The following TRAF3 variants were observed in gnomAD, a reference collection of about 807,000 sequenced individuals.
The protein encoded by TRAF3 is TNF receptor-associated factor 3.
Under a neutral mutation model 62.3 loss-of-function variants are expected in TRAF3, and 13 were observed. That is an observed-to-expected ratio of 0.21 (90% CI 0.14 to 0.33). The LOEUF (loss-of-function observed/expected upper bound fraction) is 0.33, where lower values mean the gene tolerates loss of function less well. Ranked by LOEUF, TRAF3 falls within the 10% of genes least tolerant of loss-of-function variation. TRAF3 has a pLI of 1.00. For missense variants in TRAF3, 440 were observed against 741.8 expected (o/e 0.59, Z 4.73); for synonymous variants, 269 against 283.4 (o/e 0.95, Z 0.51).
In TRAF3 at chr14:102,884,488, A is replaced by T. The variant is rs79831678; in HGVS notation, c.571-1701A>T. ...ACAGGAAAAGAAATAGAAATGATTA[A>T]TAGAGAAATAGAAATGATTAATATC... On this transcript the variant is annotated intron_variant, in intron 6 of 11. Coordinates refer to ENST00000392745, the MANE Select transcript of TRAF3 (RefSeq NM_145725.3). 6.9e-3 allele frequency among the ~76,000 whole-genome samples: 1,057 copies of T among 152,276 alleles called. 15 individuals are homozygous for T. Among genetic ancestry groups the T allele is most frequent in the African/African-American group, 0.024 (1,001 of 41,550 alleles).
Position 102,846,018 on chromosome 14 carries a change from T to G in TRAF3, c.-18+15546T>G, listed in dbSNP as rs1395343094. 2.1e-5 allele frequency among the ~76,000 whole-genome samples: 3 copies of G among 144,440 alleles called. No homozygotes were observed. In the East Asian group the frequency reaches 6.3e-4, roughly 30 times the overall value. 94.8% of individuals were successfully genotyped at this position (144,440 alleles called of 152,430 possible). A position where few individuals can be genotyped will look rare whatever the true frequency, so the allele number is the denominator to read the frequency against. On this transcript the variant is annotated intron_variant, in intron 2 of 11. Transcript: ENST00000392745. ...AAAAAAAAAAAAAAAAATACTATTA[T>G]ACCGCTGTTCAGTTAGCAGGAATTA...
At chr14:102,778,325 C>G (rs1897118064) in intron 1 of TRAF3, among the ~76,000 whole-genome samples, 1 of 151,876 alleles carries the variant, frequency 6.6e-6, no homozygotes, top group African/African-American at 2.4e-5. Context: ...TCTCGGCGGG[C>G]TGGCCGGTTC....
Position 102,897,386 on chromosome 14 carries a change from A to G in TRAF3, c.945A>G (p.Lys315=), listed in dbSNP as rs535486813. 7 of 1,613,916 alleles carry G rather than the reference A, an allele frequency of 4.3e-6. No individual in the cohort carries two copies. In the African/African-American group the frequency reaches 9.3e-5, roughly 22 times the overall value. ...AAATGCTTCGAAATAATGAATCCAAAATCCTTCATTTACAGGTAAGAATCT... is the reference window on the plus strand; with the variant it reads ...AAATGCTTCGAAATAATGAATCCAAGATCCTTCATTTACAGGTAAGAATCT... ...QKEMLRNNES[K]ILHLQRVIDS... Residue 315 remains lysine (K), a synonymous_variant, in exon 10 of 12, where the codon AAA becomes AAG. Coordinates refer to ENST00000392745, the MANE Select transcript of TRAF3 (RefSeq NM_145725.3).
chr14:102,850,911 ATCT>A (rs1165971873), intron 2 of TRAF3, among the ~76,000 whole-genome samples: 2 of 152,158 alleles, frequency 1.3e-5, no homozygotes, highest in African/African-American at 2.4e-5. Context: ...GGAAGCAAAC[ATCT>A]TCTCAAACCT....
At chr14:102,895,355 G>A (rs751980966) in intron 9 of TRAF3, among the ~76,000 whole-genome samples, 11 of 152,172 alleles carry the variant, frequency 7.2e-5, no homozygotes, top group African/African-American at 1.9e-4. Context: ...AAAATAAGAC[G>A]GTGATTGCTT....
At chr14:102,857,835 T>C (rs1013642429) in intron 2 of TRAF3, among the ~76,000 whole-genome samples, 13 of 152,246 alleles carry the variant, frequency 8.5e-5, no homozygotes, top group African/African-American at 2.7e-4. Flanking sequence ...AGATTCTTAT[T>C]GCACTTGTGC....
chr14:102,837,875 T>C (rs909936292), intron 2 of TRAF3, among the ~76,000 whole-genome samples: 1 of 152,232 alleles, frequency 6.6e-6, no homozygotes, highest in African/African-American at 2.4e-5. Flanking sequence ...TTGTTTGATG[T>C]AATTGTTTTA....
intron 10 of TRAF3, among the ~76,000 whole-genome samples, chr14:102,901,450 G>T (rs1031478809): frequency 6.6e-6 from 1 of 152,360 alleles, no homozygotes; most frequent in East Asian, 1.9e-4. Context: ...CTCAGTGTGC[G>T]TGTTAGAAGG....
intron 10 of TRAF3, among the ~76,000 whole-genome samples, chr14:102,901,872 C>T (rs1293979812): frequency 6.6e-6 from 1 of 152,134 alleles, no homozygotes; most frequent in Non-Finnish European, 1.5e-5. Context: ...CTGGGGCCCG[C>T]CCCTCGAGCA....
chr14:102,845,584 C>T (rs1368439078), intron 2 of TRAF3, among the ~76,000 whole-genome samples: 6 of 145,732 alleles, frequency 4.1e-5, no homozygotes, highest in African/African-American at 1.5e-4. Context: ...GGCGCCATCT[C>T]GGCTCACTGC....
chr14:102,870,386 G>T lies in TRAF3; in HGVS notation c.185G>T (p.Ser62Ile). 6.2e-7 allele frequency: 1 copy of T among 1,614,188 alleles called. No individual in the cohort carries two copies. The highest frequency in any genetic ancestry group is 8.5e-7 in the Non-Finnish European group (1 of 1,180,020). ...KCEKCHLVLC[S>I]PKQTECGHRF... ...GAGAAGTGCCACCTGGTGCTGTGCA[G>T]CCCGAAGCAGACCGAGTGTGGGCAC... Residue 62 changes from serine to isoleucine, a missense_variant, in exon 3 of 12, where the codon AGC becomes ATC. Physicochemically the swap from Ser to Ile is moderately radical, Grantham distance 142. Transcript: ENST00000392745.
chr14:102,858,949 T>C lies in TRAF3; in HGVS notation c.-17-11236T>C, dbSNP rs1296013363. Among the ~76,000 whole-genome samples, 6 of 152,324 alleles carry C rather than the reference T, an allele frequency of 3.9e-5. No individual in the cohort carries two copies. The East Asian group carries it at 5.8e-4, about 15-fold the overall frequency. On this transcript the variant is annotated intron_variant, in intron 2 of 11. Coordinates refer to ENST00000392745, the MANE Select transcript of TRAF3 (RefSeq NM_145725.3). ...GTCAGACCAGAAGGTAAGATTCTTA[T>C]AAACCTTTTATAACCCTTTACAAAT...
intron 1 of TRAF3, among the ~76,000 whole-genome samples, chr14:102,792,597 G>A (rs929505832): frequency 3.3e-5 from 5 of 151,270 alleles, no homozygotes; most frequent in African/African-American, 9.7e-5. Flanking sequence ...TTAATGGAAG[G>A]TTGTTGAGTT....
At chr14:102,785,210 C>G (rs1274212767) in intron 1 of TRAF3, among the ~76,000 whole-genome samples, 23 of 152,202 alleles carry the variant, frequency 1.5e-4, no homozygotes. Flanking sequence ...CCTTTCCCTT[C>G]CATCCAACAT....
intron 1 of TRAF3, among the ~76,000 whole-genome samples, chr14:102,779,812 C>T (rs1237299473): frequency 6.6e-6 from 1 of 152,224 alleles, no homozygotes; most frequent in African/African-American, 2.4e-5. Context: ...ATTTTCTCAT[C>T]TTCATATAGC....
intron 2 of TRAF3, among the ~76,000 whole-genome samples, chr14:102,862,542 T>C (rs1424215810): frequency 1.3e-5 from 2 of 152,186 alleles, no homozygotes; most frequent in African/African-American, 4.8e-5. Context: ...GAAGAGTCAC[T>C]TCTCTCTTGC....
At chr14:102,791,296 G>A (rs1897781728) in intron 1 of TRAF3, among the ~76,000 whole-genome samples, 1 of 152,072 alleles carries the variant, frequency 6.6e-6, no homozygotes, top group African/African-American at 2.4e-5. Context: ...TGGGATTACA[G>A]GTATGAGCCA....
At chr14:102,811,212 C>T (rs1899110401) in intron 1 of TRAF3, among the ~76,000 whole-genome samples, 2 of 152,086 alleles carry the variant, frequency 1.3e-5, no homozygotes, top group South Asian at 2.1e-4. Context: ...ATTGCTGCAT[C>T]CCCATGATTT....
At chr14:102,853,955 C>T (rs1177126666) in intron 2 of TRAF3, among the ~76,000 whole-genome samples, 2 of 152,168 alleles carry the variant, frequency 1.3e-5, no homozygotes, top group African/African-American at 4.8e-5. Flanking sequence ...CTTCGCTTGC[C>T]CCAGCCTCTG....
Sources: gnomAD v4.1 joint callset for allele counts (sites outside exome capture counted in the v4.1 genomes callset) on GRCh38, gnomAD v4.1.1 for gene constraint, MANE v1.5 for transcripts, NCBI Gene and HGNC (gene_info 2026-07-23, HGNC 2026-07-21) for gene names.